Variants in LYRM4 observed in about 807,000 individuals in gnomAD.
LYRM4 encodes LYR motif containing 4.
A neutral mutation model predicts 11.7 loss-of-function variants in LYRM4; 9 were observed. The observed-to-expected ratio is 0.77, with a 90% CI of 0.46 to 1.34. The LOEUF (loss-of-function observed/expected upper bound fraction) is 1.34. Ranked by LOEUF, LYRM4 falls within the 40% of genes most tolerant of loss-of-function variation. The probability of loss-of-function intolerance (pLI) is 0.00; values close to 1 mark genes in which losing one functional copy is unlikely to be tolerated. For missense variants in LYRM4, 133 were observed against 112.5 expected, an observed-to-expected ratio of 1.18 and a Z score of -0.82; for synonymous variants, 42 against 40.4, an observed-to-expected ratio of 1.04 and a Z score of -0.15.
intron 2 of LYRM4, among the ~76,000 whole-genome samples, chr6:5,177,881 C>T (rs1045324682): frequency 7.9e-5 from 12 of 152,182 alleles, no homozygotes; most frequent in Admixed American, 1.3e-4. Context: ...AGGCCTCACG[C>T]GCTCCTCAAC....
chr6:5,086,476 T>C, the LYRM4 span: 2 of 1,537,284 alleles, frequency 1.3e-6, no homozygotes, highest in Admixed American at 3.9e-5. Context: ...CGCTGTCTGC[T>C]ACCGCTGCGC....
chr6:5,113,920 C>T (rs1010080776), intron 2 of LYRM4, among the ~76,000 whole-genome samples: 31 of 152,194 alleles, frequency 2.0e-4, no homozygotes, highest in African/African-American at 6.5e-4. Context: ...TATGAGCCTA[C>T]GTTATGAAAA....
At chr6:5,201,412 A>G (rs1016301325) in intron 2 of LYRM4, among the ~76,000 whole-genome samples, 1 of 152,122 alleles carries the variant, frequency 6.6e-6, no homozygotes, top group African/African-American at 2.4e-5. Context: ...ATCATCATCA[A>G]CTGGCAAGGG....
At chr6:5,121,922 T>C (rs932397063) in intron 2 of LYRM4, among the ~76,000 whole-genome samples, 4 of 152,224 alleles carry the variant, frequency 2.6e-5, no homozygotes, top group Non-Finnish European at 5.9e-5. Flanking sequence ...AGCAAGTTCT[T>C]GATGGTGTGT....
chr6:5,059,482 T>A, the LYRM4 span, among the ~76,000 whole-genome samples: 1 of 152,280 alleles, frequency 6.6e-6, no homozygotes, highest in Admixed American at 6.5e-5. Flanking sequence ...GATTGTTTCA[T>A]ATCCGCCCAA....
At chr6:5,050,524 G>A in the LYRM4 span, among the ~76,000 whole-genome samples, 1 of 152,170 alleles carries the variant, frequency 6.6e-6, no homozygotes, top group African/African-American at 2.4e-5. Context: ...TTTGGAGCCT[G>A]CTCTTTTTTT....
At chr6:5,248,886 G>A (rs141597408) in intron 1 of LYRM4, among the ~76,000 whole-genome samples, 4 of 152,214 alleles carry the variant, frequency 2.6e-5, no homozygotes, top group East Asian at 1.9e-4. Context: ...TGAGTCTGGC[G>A]CAAGGCAGGT....
intron 2 of LYRM4, among the ~76,000 whole-genome samples, chr6:5,196,849 T>G (rs1328066136): frequency 2.0e-5 from 3 of 152,206 alleles, no homozygotes; most frequent in African/African-American, 7.2e-5. Context: ...CATCAAAATA[T>G]TGACAGGAAT....
chr6:5,148,036 C>G, intron 2 of LYRM4, among the ~76,000 whole-genome samples: 1 of 152,152 alleles, frequency 6.6e-6, no homozygotes, highest in African/African-American at 2.4e-5. Flanking sequence ...CCCAGGCCAC[C>G]TGCCCTCCCC....
At chr6:5,197,232 G>A (rs1453428853) in intron 2 of LYRM4, among the ~76,000 whole-genome samples, 2 of 152,208 alleles carry the variant, frequency 1.3e-5, no homozygotes, top group African/African-American at 4.8e-5. Context: ...AGGTAGGCAA[G>A]GAAGGTCTTC....
At chr6:5,251,175 C>T (rs1764411845) in intron 1 of LYRM4, among the ~76,000 whole-genome samples, 1 of 152,108 alleles carries the variant, frequency 6.6e-6, no homozygotes, top group South Asian at 2.1e-4. Flanking sequence ...GTAATATATA[C>T]ATACACACAC....
At chr6:5,106,785 T>G (rs1384364880), downstream of LYRM4, 1 of 152,272 alleles carries the variant, frequency 6.6e-6, no homozygotes, top group Non-Finnish European at 1.5e-5. Flanking sequence ...TTGCTCAATA[T>G]TAGTGCTGCA....
intron 1 of LYRM4, among the ~76,000 whole-genome samples, chr6:5,243,619 A>G (rs1322271786): frequency 2.2e-5 from 3 of 134,708 alleles, no homozygotes; most frequent in Non-Finnish European, 4.6e-5. Flanking sequence ...AAGTATATGA[A>G]GCGTTTGAGA....
chr6:5,135,527 C>T (rs9504345), intron 2 of LYRM4, among the ~76,000 whole-genome samples: 1 of 117,908 alleles, frequency 8.5e-6, no homozygotes. Flanking sequence ...GTGGAGGGTG[C>T]GGATCGCTCC....
At chr6:5,102,433 C>T (rs541617470), downstream of LYRM4, among the ~76,000 whole-genome samples, 35 of 152,226 alleles carry the variant, frequency 2.3e-4, no homozygotes, top group Non-Finnish European at 4.4e-4. Context: ...TGTTATTAAA[C>T]GGTCTCTGTA....
the LYRM4 span, among the ~76,000 whole-genome samples, chr6:5,059,732 T>C: frequency 6.6e-6 from 1 of 152,148 alleles, no homozygotes; most frequent in Admixed American, 6.5e-5. Flanking sequence ...TTTAACCATC[T>C]GTACCCCATT....
At chr6:5,228,355 C>T (rs2127738970) in intron 1 of LYRM4, among the ~76,000 whole-genome samples, 1 of 152,218 alleles carries the variant, frequency 6.6e-6, no homozygotes, top group Non-Finnish European at 1.5e-5. Context: ...CGGCTCACTG[C>T]AACCTTCACC....
chr6:5,178,334 A>T (rs1039255151), intron 2 of LYRM4, among the ~76,000 whole-genome samples: 2 of 152,188 alleles, frequency 1.3e-5, no homozygotes, highest in Non-Finnish European at 2.9e-5. Flanking sequence ...CTGAAAAGGA[A>T]GTTTATTGGA....
chr6:5,114,761 CA>C (rs971910226), intron 2 of LYRM4, among the ~76,000 whole-genome samples: 14 of 145,964 alleles, frequency 9.6e-5, no homozygotes, highest in South Asian at 4.3e-4. Flanking sequence ...AAAAAAATCG[CA>C]AAAAAAAAAA....
Sources: allele counts gnomAD v4.1 joint callset (sites outside exome capture counted in the v4.1 genomes callset), GRCh38; gene constraint gnomAD v4.1.1; transcripts MANE v1.5; gene names NCBI Gene and HGNC (gene_info 2026-07-23, HGNC 2026-07-21).